Variants in AGBL2 observed in about 807,000 individuals in gnomAD.
The protein encoded by AGBL2 is cytosolic carboxypeptidase 2.
AGBL2 carries 87 observed loss-of-function variants against 103.0 expected under a neutral mutation model. The ratio of observed to expected loss-of-function variants is 0.84; its 90% confidence interval spans 0.71 to 1.01. AGBL2 has a LOEUF of 1.01. AGBL2 is among the 50% of genes least tolerant of loss of function. The probability of loss-of-function intolerance (pLI) is 0.00; values close to 1 mark genes in which losing one functional copy is unlikely to be tolerated. For missense variants in AGBL2, 904 were observed against 1,023.5 expected, an observed-to-expected ratio of 0.88 and a Z score of 1.59; for synonymous variants, 335 against 356.7, an observed-to-expected ratio of 0.94 and a Z score of 0.69.
intron 14 of AGBL2, among the ~76,000 whole-genome samples, chr11:47,674,290 G>A (rs1042914378): frequency 2.0e-5 from 3 of 150,178 alleles, no homozygotes; most frequent in African/African-American, 4.9e-5. Flanking sequence ...GGCTGGGCGC[G>A]GTGGCTCACG....
chr11:47,687,373 G>GGA (rs2097428128), intron 10 of AGBL2, among the ~76,000 whole-genome samples: 1 of 151,826 alleles, frequency 6.6e-6, no homozygotes, highest in African/African-American at 2.4e-5. Context: ...CAAAAATATA[G>GGA]CTCTCTACTA....
chr11:47,683,077 AAG>A (rs2097407931), intron 11 of AGBL2, among the ~76,000 whole-genome samples: 1 of 152,156 alleles, frequency 6.6e-6, no homozygotes, highest in South Asian at 2.1e-4. Flanking sequence ...AGAGAAGAGA[AAG>A]AGAAAGAGAG....
chr11:47,692,055 A>G (rs539415124), intron 9 of AGBL2, 48 bp downstream of exon 9: 2 of 1,512,796 alleles, frequency 1.3e-6, no homozygotes, highest in South Asian at 2.6e-5. Context: ...TACTGAAGAC[A>G]CCTTCTAGTC....
chr11:47,680,311 G>A (rs368055856), intron 12 of AGBL2, among the ~76,000 whole-genome samples: 3 of 152,028 alleles, frequency 2.0e-5, no homozygotes, highest in South Asian at 2.1e-4. Flanking sequence ...AAAATTAGCC[G>A]GGCGTGGTGG....
intron 10 of AGBL2, among the ~76,000 whole-genome samples, chr11:47,689,549 C>T (rs1204372342): frequency 6.6e-6 from 1 of 152,082 alleles, no homozygotes; most frequent in African/African-American, 2.4e-5. Flanking sequence ...AGGTAATCCG[C>T]CCACTTCAGC....
At chr11:47,682,211 C>T in intron 11 of AGBL2, 116 bp from the exon 12 acceptor site, 2 of 1,056,792 alleles carry the variant, frequency 1.9e-6, no homozygotes, top group Non-Finnish European at 2.7e-6. Context: ...TTTCCCAAAG[C>T]ATGTTCCACA....
chr11:47,662,896 T>C (rs1275038976), intron 18 of AGBL2, 130 bp downstream of exon 18: 1 of 780,940 alleles, frequency 1.3e-6, no homozygotes, highest in South Asian at 1.6e-5. Context: ...GATGTTCACC[T>C]GCGCAGAACG....
At chr11:47,710,182 C>T (rs1204225408) in intron 4 of AGBL2, 195 bp downstream of exon 4, 5 of 636,040 alleles carry the variant, frequency 7.9e-6, no homozygotes, top group African/African-American at 7.4e-5. Flanking sequence ...ATCACCATGC[C>T]CGGCTAGAAA....
At chr11:47,674,980 A>C (rs2097369589) in intron 14 of AGBL2, among the ~76,000 whole-genome samples, 2 of 151,936 alleles carry the variant, frequency 1.3e-5, no homozygotes, top group Non-Finnish European at 2.9e-5. Context: ...GTGATCTGCC[A>C]GCCTCGGCCT....
intron 11 of AGBL2, among the ~76,000 whole-genome samples, chr11:47,684,012 G>T (rs531427710): frequency 6.6e-6 from 1 of 151,964 alleles, no homozygotes; most frequent in African/African-American, 2.4e-5. Flanking sequence ...CAACACTTTG[G>T]GAGACCAAGG....
At position 47,690,510 on chromosome 11, in the gene AGBL2, T is replaced by C. The variant is rs769270024; in HGVS notation, c.1197A>G (p.Thr399=). 3.7e-6 allele frequency: 6 copies of C among 1,613,998 alleles called. No individual in the cohort carries two copies. In the East Asian group the frequency reaches 6.7e-5, roughly 18 times the overall value. ...TCFFAHFYPY[T]YTDLQCYLLS... is the part of the protein sequence containing the mutation. Reference sequence around the variant, plus strand: ...GGAGGTAGCATTGCAAATCAGTGTATGTATATGGGTAGAAGTGTGCAAAGA... The same window carrying C: ...GGAGGTAGCATTGCAAATCAGTGTACGTATATGGGTAGAAGTGTGCAAAGA... The change falls in exon 10 of 19, where the codon ACA becomes ACG. Residue 399 remains threonine (T), a synonymous_variant. Transcript: ENST00000525123.
At position 47,659,824 on chromosome 11, in the gene AGBL2, T is replaced by C. The variant is rs2097323809; in HGVS notation, c.*349A>G. 5.7e-6 allele frequency: 1 copy of C among 175,608 alleles called. No homozygotes were observed. The highest frequency in any genetic ancestry group is 2.4e-5 in the African/African-American group (1 of 42,408). 10.9% of individuals were successfully genotyped at this position (175,608 alleles called of 1,614,324 possible). A position where few individuals can be genotyped will look rare whatever the true frequency, so the allele number is the denominator to read the frequency against. On this transcript the variant is annotated 3_prime_UTR_variant, in exon 19 of 19. Transcript: ENST00000525123. ...AAAATGTGTTTAACATAGATTTTGA[T>C]TTTTAAAAATTGATTTGCACATAAT...
At chr11:47,712,096 G>C (rs1476512647) in intron 3 of AGBL2, among the ~76,000 whole-genome samples, 2 of 152,124 alleles carry the variant, frequency 1.3e-5, no homozygotes, top group African/African-American at 2.4e-5. Context: ...TATCATAATA[G>C]TTTTGCTGTC....
At chr11:47,678,245 A>G (rs1203818159) in intron 13 of AGBL2, among the ~76,000 whole-genome samples, 1 of 151,608 alleles carries the variant, frequency 6.6e-6, no homozygotes, top group Non-Finnish European at 1.5e-5. Flanking sequence ...TACAGGCGTG[A>G]GCCATCATGC....
Position 47,678,338 on chromosome 11 carries a change from A to ATTATTTTTTTTTTTTT in AGBL2, c.2017-938_2017-937insAAAAAAAAAAAAATAA, listed in dbSNP as rs1565026654. 9.9e-4 allele frequency among the ~76,000 whole-genome samples: 94 copies of ATTATTTTTTTTTTTTT among 95,136 alleles called. 1 individual carries two copies. Among genetic ancestry groups the ATTATTTTTTTTTTTTT allele is most frequent in the Non-Finnish European group, 1.3e-3 (60 of 45,848 alleles). The allele number at this position is 95,136 out of a possible 152,430, so 62.4% of individuals were successfully genotyped here. On this transcript the variant is annotated intron_variant, in intron 13 of 18. Transcript: ENST00000525123. ...TTATTTTATTTTATTTTATTTTATT[A>ATTATTTTTTTTTTTTT]TTTTATTTTTTTTGAGACGGAGTCT...
chr11:47,673,511 G>T (rs2097363721), intron 14 of AGBL2, among the ~76,000 whole-genome samples: 1 of 152,064 alleles, frequency 6.6e-6, no homozygotes, highest in Admixed American at 6.6e-5. Flanking sequence ...TGTAATCCCA[G>T]CTATTTGGGA....
intron 13 of AGBL2, among the ~76,000 whole-genome samples, chr11:47,678,258 G>A (rs2097383571): frequency 6.6e-6 from 1 of 150,762 alleles, no homozygotes; most frequent in Admixed American, 6.6e-5. Flanking sequence ...CATCATGCCT[G>A]GCTGCCAACT....
At chr11:47,710,223 A>G (rs1012602188) in intron 4 of AGBL2, 154 bp downstream of exon 4, 1 of 895,826 alleles carries the variant, frequency 1.1e-6, no homozygotes, top group Admixed American at 2.4e-5. Flanking sequence ...CCTGTAATCC[A>G]AAGTAGATTT....
At chr11:47,680,127 T>A in intron 12 of AGBL2, 54 bp from the exon 13 acceptor site, 1 of 1,141,564 alleles carries the variant, frequency 8.8e-7, no homozygotes, top group Non-Finnish European at 1.3e-6. Context: ...AGTGACTGAA[T>A]GTAAATCTAA....
Sources: gnomAD v4.1 joint callset for allele counts (sites outside exome capture counted in the v4.1 genomes callset) on GRCh38, gnomAD v4.1.1 for gene constraint, MANE v1.5 for transcripts, NCBI Gene and HGNC (gene_info 2026-07-23, HGNC 2026-07-21) for gene names.